The following SPTLC2 variants were observed in gnomAD, a reference collection of about 807,000 sequenced individuals.
SPTLC2 encodes serine palmitoyltransferase 2.
In SPTLC2, 21 loss-of-function variants were observed where a neutral mutation model predicts 62.0. The observed-to-expected ratio is 0.34, with a 90% CI of 0.24 to 0.49. SPTLC2 has a LOEUF of 0.49. SPTLC2 is among the 20% of genes least tolerant of loss of function. The probability of loss-of-function intolerance (pLI) is 0.99; values close to 1 mark genes in which losing one functional copy is unlikely to be tolerated. For synonymous variants in SPTLC2, 261 were observed against 261.8 expected (o/e 1.00, Z 0.03); for missense variants, 511 against 713.0 (o/e 0.72, Z 3.23).
At chr14:77,586,077 TC>T (rs2079779518) in intron 2 of SPTLC2, among the ~76,000 whole-genome samples, 1 of 94,310 alleles carries the variant, frequency 1.1e-5, no homozygotes, top group Non-Finnish European at 2.5e-5. Flanking sequence ...TTTTCTTTTT[TC>T]TTTTTTTTTT....
Position 77,604,724 on chromosome 14 carries a change from G to A in SPTLC2, c.133-7344C>T, listed in dbSNP as rs1017989462. ...TTCTACTAAAAATACAAAATTAGCC[G>A]GGCGTGGTGGTGCATGCCTGTAATC... On this transcript the variant is annotated intron_variant, in intron 1 of 11. Transcript: ENST00000216484. Among the ~76,000 whole-genome samples the A allele has an allele frequency of 1.4e-4, 21 of 151,990 alleles. 1 individual carries two copies. The South Asian group carries it at 3.7e-3, about 27-fold the overall frequency.
intron 5 of SPTLC2, among the ~76,000 whole-genome samples, chr14:77,569,372 T>A (rs2079664691): frequency 6.6e-6 from 1 of 152,226 alleles, no homozygotes; most frequent in African/African-American, 2.4e-5. Flanking sequence ...CAGGTGGGTT[T>A]AAATCTCCTA....
At chr14:77,549,732 G>A (rs1307768338) in intron 9 of SPTLC2, among the ~76,000 whole-genome samples, 1 of 152,130 alleles carries the variant, frequency 6.6e-6, no homozygotes, top group Non-Finnish European at 1.5e-5. Context: ...GTGGCTAGAG[G>A]CAAAAACTAG....
chr14:77,591,612 G>A (rs1423322190), intron 2 of SPTLC2, among the ~76,000 whole-genome samples: 1 of 152,098 alleles, frequency 6.6e-6, no homozygotes, highest in Non-Finnish European at 1.5e-5. Context: ...CCAGGGTGGA[G>A]TGCAGTGGTG....
At chr14:77,598,730 G>T (rs1038109945) in intron 1 of SPTLC2, among the ~76,000 whole-genome samples, 2 of 152,098 alleles carry the variant, frequency 1.3e-5, no homozygotes, top group East Asian at 3.9e-4. Flanking sequence ...CCAGGAGTTT[G>T]AGACCAGCCT....
intron 1 of SPTLC2, among the ~76,000 whole-genome samples, chr14:77,615,145 T>C (rs893255996): frequency 1.3e-5 from 2 of 152,216 alleles, no homozygotes; most frequent in African/African-American, 4.8e-5. Context: ...CCACTGCTTA[T>C]AATGAGCTGA....
At chr14:77,595,112 C>A (rs1181409613) in intron 2 of SPTLC2, among the ~76,000 whole-genome samples, 1 of 152,064 alleles carries the variant, frequency 6.6e-6, no homozygotes, top group Non-Finnish European at 1.5e-5. Flanking sequence ...ATCTGTAATC[C>A]CAGCACTTTG....
rs1039418669 is a variant in SPTLC2 at position 77,510,317 on chromosome 14, C to A, written c.*1967G>T. ...GACTAAACATAACTCATACTCAAGACATTAAAAACAAAACTTCACAAACAA... is the reference window on the plus strand; with the variant it reads ...GACTAAACATAACTCATACTCAAGAAATTAAAAACAAAACTTCACAAACAA... On this transcript the variant is annotated 3_prime_UTR_variant, in exon 12 of 12. Transcript: ENST00000216484. 4 of 180,358 alleles carry A rather than the reference C, an allele frequency of 2.2e-5. No homozygotes were observed. Among genetic ancestry groups the A allele is most frequent in the African/African-American group, 9.3e-5 (4 of 42,786 alleles). 11.2% of individuals were successfully genotyped at this position (180,358 alleles called of 1,614,324 possible). A position where few individuals can be genotyped will look rare whatever the true frequency, so the allele number is the denominator to read the frequency against.
chr14:77,518,007 T>C, intron 11 of SPTLC2, 31 bp downstream of exon 11: 1 of 1,614,028 alleles, frequency 6.2e-7, no homozygotes, highest in South Asian at 1.1e-5. Flanking sequence ...ATAAAAGGCA[T>C]ATTTATATCA....
chr14:77,582,216 C>A (rs1324284639), intron 2 of SPTLC2, among the ~76,000 whole-genome samples: 1 of 151,932 alleles, frequency 6.6e-6, no homozygotes, highest in Non-Finnish European at 1.5e-5. Context: ...CCACACCTGG[C>A]TAATTTTTGT....
chr14:77,613,632 G>A (rs932770891), intron 1 of SPTLC2, among the ~76,000 whole-genome samples: 7 of 152,144 alleles, frequency 4.6e-5, no homozygotes, highest in Admixed American at 1.3e-4. Flanking sequence ...GATCCTAGAC[G>A]TTTCTGACTT....
chr14:77,592,386 C>T (rs530093441), intron 2 of SPTLC2, among the ~76,000 whole-genome samples: 4 of 151,814 alleles, frequency 2.6e-5, no homozygotes, highest in South Asian at 4.2e-4. Flanking sequence ...CCACCCACCT[C>T]GGCCTCCCAA....
intron 2 of SPTLC2, among the ~76,000 whole-genome samples, chr14:77,579,569 C>T (rs1389928769): frequency 6.6e-6 from 1 of 152,028 alleles, no homozygotes; most frequent in Non-Finnish European, 1.5e-5. Context: ...GGCAACATAG[C>T]GAGACTCTGT....
At chr14:77,513,236 G>T (rs1566765439) in intron 11 of SPTLC2, among the ~76,000 whole-genome samples, 2 of 151,560 alleles carry the variant, frequency 1.3e-5, no homozygotes, top group African/African-American at 4.8e-5. Context: ...GGCTAGTCTT[G>T]AACTCCTGGC....
rs567954340 is a variant in SPTLC2 at position 77,602,988 on chromosome 14, A to T, written c.133-5608T>A. Among the ~76,000 whole-genome samples the T allele has an allele frequency of 9.8e-5, 15 of 152,314 alleles. No individual in the cohort carries two copies. In the South Asian group the frequency reaches 1.2e-3, roughly 13 times the overall value. ...CTCTTAAGTTTCAGGAAAATTTTTT[A>T]AAAATAATTAAAATAAAACAGTTTT... On this transcript the variant is annotated intron_variant, in intron 1 of 11. Coordinates refer to ENST00000216484, the MANE Select transcript of SPTLC2 (RefSeq NM_004863.4).
chr14:77,578,839 G>C, intron 3 of SPTLC2, 116 bp downstream of exon 3: 1 of 1,066,530 alleles, frequency 9.4e-7, no homozygotes, highest in South Asian at 1.3e-5. Context: ...CAATCATATT[G>C]TATCCTCAGC....
At chr14:77,600,827 C>G (rs1411570964) in intron 1 of SPTLC2, among the ~76,000 whole-genome samples, 3 of 152,010 alleles carry the variant, frequency 2.0e-5, no homozygotes, top group African/African-American at 7.3e-5. Context: ...TATAAGCACA[C>G]CATCATAAAA....
At chr14:77,605,527 G>T (rs1023848214) in intron 1 of SPTLC2, among the ~76,000 whole-genome samples, 1 of 152,196 alleles carries the variant, frequency 6.6e-6, no homozygotes, top group Non-Finnish European at 1.5e-5. Context: ...AAATTCCAGA[G>T]GGAGAAGAGG....
At chr14:77,531,491 C>CCCCCTCCCCCTCCTCCTG (rs2079440025) in intron 9 of SPTLC2, among the ~76,000 whole-genome samples, 1 of 95,396 alleles carries the variant, frequency 1.0e-5, no homozygotes, top group Non-Finnish European at 2.1e-5. Flanking sequence ...CCCTCCTCCT[C>CCCCCTCCCCCTCCTCCTG]CTCCTCCTCC....
Sources: gnomAD v4.1 joint callset for allele counts (sites outside exome capture counted in the v4.1 genomes callset) on GRCh38, gnomAD v4.1.1 for gene constraint, MANE v1.5 for transcripts, NCBI Gene and HGNC (gene_info 2026-07-23, HGNC 2026-07-21) for gene names.